Variants in C10orf67 observed in about 807,000 individuals in gnomAD.
C10orf67 encodes the protein chromosome 10 open reading frame 67, also known as uncharacterized protein C10orf67, mitochondrial.
Under a neutral mutation model 35.6 loss-of-function variants are expected in C10orf67, and 60 were observed. The ratio of observed to expected loss-of-function variants is 1.68; its 90% CI spans 1.37 to 2.09. The LOEUF (loss-of-function observed/expected upper bound fraction) is 2.09, where lower values mean the gene tolerates loss of function less well. Ranked by LOEUF, C10orf67 falls within the 30% of genes most tolerant of loss-of-function variation. The pLI is 0.00. For synonymous variants in C10orf67, 167 were observed against 115.8 expected, an observed-to-expected ratio of 1.44 and a Z score of -2.84; for missense variants, 474 against 330.2, an observed-to-expected ratio of 1.44 and a Z score of -3.38.
intron 10 of C10orf67, among the ~76,000 whole-genome samples, chr10:23,264,374 T>C (rs916675517): frequency 6.6e-6 from 1 of 152,078 alleles, no homozygotes; most frequent in African/African-American, 2.4e-5. Context: ...GTTTAAGTAA[T>C]CTCTCCCCTC....
At chr10:23,235,299 A>C (rs556253578) in intron 13 of C10orf67, among the ~76,000 whole-genome samples, 35 of 152,228 alleles carry the variant, frequency 2.3e-4, no homozygotes, top group Non-Finnish European at 4.0e-4. Context: ...CAGAGAATAC[A>C]ATCTGCCACA....
chr10:23,269,927 C>T (rs1842973380), intron 8 of C10orf67, among the ~76,000 whole-genome samples: 1 of 152,022 alleles, frequency 6.6e-6, no homozygotes, highest in African/African-American at 2.4e-5. Context: ...ACACTCCTGT[C>T]TCAGAAATTG....
chr10:23,285,653 G>A (rs1843506533), intron 7 of C10orf67, among the ~76,000 whole-genome samples: 1 of 152,002 alleles, frequency 6.6e-6, no homozygotes, highest in Non-Finnish European at 1.5e-5. Context: ...CTCAATTGGG[G>A]AGCTACGTTT....
In C10orf67 at chr10:23,237,234, C is replaced by T. The variant is rs115967427; in HGVS notation, c.1434+2495G>A. On this transcript the variant is annotated intron_variant, in intron 13 of 15. Coordinates refer to ENST00000636213, the MANE Select transcript of C10orf67 (RefSeq NM_001371909.1). ...TGATCTCGTTCTTTTTTTATGGCTG[C>T]GTCATATTCCATGGTGTATATGTAC... is the stretch of plus-strand genomic sequence containing the variant. 4.4e-3 allele frequency among the ~76,000 whole-genome samples: 671 copies of T among 152,202 alleles called. 1 individual carries two copies. The highest frequency in any genetic ancestry group is 0.015 in the African/African-American group (608 of 41,524).
chr10:23,229,550 T>G (rs1354956960), intron 13 of C10orf67, among the ~76,000 whole-genome samples: 2 of 152,044 alleles, frequency 1.3e-5, no homozygotes, highest in Non-Finnish European at 2.9e-5. Context: ...ACCTGCACAT[T>G]ATGCACATGT....
chr10:23,238,977 A>T (rs981195991), intron 13 of C10orf67, among the ~76,000 whole-genome samples: 1 of 152,156 alleles, frequency 6.6e-6, no homozygotes, highest in African/African-American at 2.4e-5. Context: ...TCTTAAAGTG[A>T]CAAATGTTGA....
chr10:23,301,258 C>T (rs11013372), intron 5 of C10orf67, among the ~76,000 whole-genome samples: 5,167 of 152,168 alleles, frequency 0.034, 284 homozygotes, highest in African/African-American at 0.12. Context: ...TGCCTCTAGT[C>T]GGCCCTCGGC....
At chr10:23,312,447 C>T (rs1844533726) in intron 4 of C10orf67, among the ~76,000 whole-genome samples, 1 of 152,114 alleles carries the variant, frequency 6.6e-6, no homozygotes, top group South Asian at 2.1e-4. Context: ...ATTGCAGGTC[C>T]TTCTTCCATT....
chr10:23,227,353 T>C (rs1388324517), intron 13 of C10orf67, among the ~76,000 whole-genome samples: 1 of 152,274 alleles, frequency 6.6e-6, no homozygotes, highest in East Asian at 1.9e-4. Flanking sequence ...ATTATCTCAA[T>C]AGATGCAGAA....
chr10:23,313,600 G>A (rs1844577719), intron 4 of C10orf67, among the ~76,000 whole-genome samples: 1 of 152,230 alleles, frequency 6.6e-6, no homozygotes, highest in African/African-American at 2.4e-5. Flanking sequence ...CTGGGTAAAT[G>A]TGATACAATT....
intron 1 of C10orf67, among the ~76,000 whole-genome samples, chr10:23,339,670 T>C (rs908475341): frequency 1.3e-5 from 2 of 152,238 alleles, no homozygotes; most frequent in African/African-American, 4.8e-5. Flanking sequence ...CTGCCCTGTT[T>C]CCTCTTCCTC....
chr10:23,217,350 G>A (rs989759977), intron 15 of C10orf67, among the ~76,000 whole-genome samples: 3 of 152,226 alleles, frequency 2.0e-5, no homozygotes, highest in African/African-American at 2.4e-5. Flanking sequence ...TCATATACAA[G>A]GATGTCATGT....
chr10:23,290,868 T>C (rs1445197510), intron 6 of C10orf67, among the ~76,000 whole-genome samples: 1 of 152,210 alleles, frequency 6.6e-6, no homozygotes. Flanking sequence ...GGAGCATTGA[T>C]TAGCAAATTT....
intron 10 of C10orf67, among the ~76,000 whole-genome samples, chr10:23,256,808 C>T (rs1279059769): frequency 6.6e-6 from 1 of 152,074 alleles, no homozygotes; most frequent in Non-Finnish European, 1.5e-5. Context: ...ACAGGAAAAT[C>T]ACCTTCCTTG....
At chr10:23,292,205 G>T (rs1843743389) in intron 5 of C10orf67, among the ~76,000 whole-genome samples, 2 of 96,002 alleles carry the variant, frequency 2.1e-5, no homozygotes. Context: ...CTGTTTCAAA[G>T]CTATTGAAAA....
chr10:23,212,820 A>AGG (rs1554801782), intron 15 of C10orf67, among the ~76,000 whole-genome samples: 1 of 147,568 alleles, frequency 6.8e-6, no homozygotes, highest in African/African-American at 2.5e-5. Context: ...AGAGAGAGAG[A>AGG]GAGACGTAAG....
At chr10:23,256,922 G>A (rs1355111899) in intron 10 of C10orf67, among the ~76,000 whole-genome samples, 1 of 152,184 alleles carries the variant, frequency 6.6e-6, no homozygotes, top group Non-Finnish European at 1.5e-5. Flanking sequence ...TTGATGCTGT[G>A]AAGAAGTGTT....
intron 5 of C10orf67, among the ~76,000 whole-genome samples, chr10:23,292,264 T>TA (rs201970584): frequency 0.037 from 5,209 of 140,822 alleles, 261 homozygotes; most frequent in East Asian, 0.27. Flanking sequence ...TGCCATGCAT[T>TA]AAAAAAAAAA....
intron 12 of C10orf67, among the ~76,000 whole-genome samples, chr10:23,243,902 T>C (rs539010913): frequency 4.7e-4 from 71 of 152,206 alleles, no homozygotes; most frequent in African/African-American, 1.3e-3. Flanking sequence ...CTTACTCTTT[T>C]TTATCTTGAG....
Sources: allele counts gnomAD v4.1 joint callset (sites outside exome capture counted in the v4.1 genomes callset), GRCh38; gene constraint gnomAD v4.1.1; transcripts MANE v1.5; gene names NCBI Gene and HGNC (gene_info 2026-07-23, HGNC 2026-07-21).